Variants in PLEKHA7 observed in about 807,000 individuals in gnomAD.
PLEKHA7 encodes pleckstrin homology domain containing A7, also known as pleckstrin homology domain-containing family A member 7.
Under a neutral mutation model 170.0 loss-of-function variants are expected in PLEKHA7, and 104 were observed. The observed-to-expected ratio is 0.61, with a 90% CI of 0.52 to 0.72. PLEKHA7 has a LOEUF of 0.72. Among genes scored for constraint, PLEKHA7 ranks in the 30% least tolerant of loss-of-function variants. The probability of loss-of-function intolerance (pLI) is 0.00; values close to 1 mark genes in which losing one functional copy is unlikely to be tolerated. For missense variants in PLEKHA7, 1,615 were observed against 1,671.7 expected (o/e 0.97, Z 0.59); for synonymous variants, 648 against 660.8 (o/e 0.98, Z 0.30).
At chr11:16,948,621 CAT>C (rs995213369) in intron 3 of PLEKHA7, among the ~76,000 whole-genome samples, 15 of 138,972 alleles carry the variant, frequency 1.1e-4, no homozygotes, top group East Asian at 4.1e-4. Context: ...CATGCACACA[CAT>C]GTGCACACAC....
intron 3 of PLEKHA7, among the ~76,000 whole-genome samples, chr11:16,986,890 G>C (rs556988118): frequency 2.6e-4 from 39 of 152,192 alleles, no homozygotes; most frequent in Non-Finnish European, 7.3e-5. Flanking sequence ...GGGGCAGGCC[G>C]AGCCCCTGCC....
chr11:16,951,532 G>A (rs1468462131), intron 3 of PLEKHA7, among the ~76,000 whole-genome samples: 3 of 152,070 alleles, frequency 2.0e-5, no homozygotes, highest in Non-Finnish European at 2.9e-5. Flanking sequence ...CGGAGGCCCA[G>A]AGATGATAAG....
Position 16,777,541 on chromosome 11 carries a change from G to T in PLEKHA7, c.*1457C>A, listed in dbSNP as rs1848759730. On this transcript the variant is annotated 3_prime_UTR_variant, in exon 27 of 27. Transcript: ENST00000531066. Reference sequence around the variant, plus strand: ...TTTTTTTTCTGAGCATAGTCAAAGAGAAATTTTCATTTAAAGTGTGGCTCC... The same window carrying T: ...TTTTTTTTCTGAGCATAGTCAAAGATAAATTTTCATTTAAAGTGTGGCTCC... The T allele has an allele frequency of 6.6e-6, 1 of 152,156 alleles. No individual in the cohort carries two copies. Among genetic ancestry groups the T allele is most frequent in the African/African-American group, 2.4e-5 (1 of 41,450 alleles). The allele number at this position is 152,156 out of a possible 1,614,324, so 9.4% of individuals were successfully genotyped here.
intron 3 of PLEKHA7, among the ~76,000 whole-genome samples, chr11:16,908,753 C>T (rs1858040740): frequency 6.6e-6 from 1 of 152,204 alleles, no homozygotes; most frequent in Admixed American, 6.5e-5. Flanking sequence ...GGCTCAGCCT[C>T]CCGAAGTGCT....
At chr11:16,934,590 T>TTCTCGCTC (rs1860160782) in intron 3 of PLEKHA7, among the ~76,000 whole-genome samples, 1 of 152,202 alleles carries the variant, frequency 6.6e-6, no homozygotes, top group Non-Finnish European at 1.5e-5. Context: ...GCTATTGCCA[T>TTCTCGCTC]TCTCCTTGTC....
At chr11:16,780,920 CACA>C in intron 26 of PLEKHA7, 1 of 913,310 alleles carries the variant, frequency 1.1e-6, no homozygotes, top group African/African-American at 1.8e-5. Context: ...CAGGCAGAAG[CACA>C]CCAGACAGGG....
At chr11:16,930,758 G>T (rs985388234) in intron 3 of PLEKHA7, among the ~76,000 whole-genome samples, 1 of 152,172 alleles carries the variant, frequency 6.6e-6, no homozygotes, top group African/African-American at 2.4e-5. Context: ...AACATTAAAC[G>T]CTGGGAATTT....
intron 3 of PLEKHA7, among the ~76,000 whole-genome samples, chr11:16,964,840 G>A (rs1409422095): frequency 2.0e-5 from 3 of 152,090 alleles, no homozygotes; most frequent in East Asian, 1.9e-4. Flanking sequence ...GATGACCCAC[G>A]GAGTTCTAGA....
intron 3 of PLEKHA7, among the ~76,000 whole-genome samples, chr11:16,883,545 T>C (rs752593007): frequency 1.3e-5 from 2 of 152,216 alleles, no homozygotes; most frequent in Non-Finnish European, 2.9e-5. Context: ...TCTTGGCTTC[T>C]GTCAACTTTA....
At chr11:16,801,217 G>T in intron 16 of PLEKHA7, 142 bp from the exon 17 acceptor site, 1 of 730,264 alleles carries the variant, frequency 1.4e-6, no homozygotes, top group East Asian at 2.5e-5. Context: ...GAGAGAGAGA[G>T]GAGCAGGAAA....
At chr11:16,991,868 G>T (rs939506120) in intron 3 of PLEKHA7, among the ~76,000 whole-genome samples, 8 of 152,332 alleles carry the variant, frequency 5.3e-5, no homozygotes, top group African/African-American at 1.9e-4. Context: ...AACTGCAGTT[G>T]TCCAGGCGGC....
At chr11:16,935,445 T>A (rs1419609236) in intron 3 of PLEKHA7, among the ~76,000 whole-genome samples, 1 of 152,226 alleles carries the variant, frequency 6.6e-6, no homozygotes, top group Non-Finnish European at 1.5e-5. Flanking sequence ...AATGTGTCGG[T>A]CCTTTTCTAG....
In PLEKHA7 at chr11:16,782,758, C is replaced by T. The variant is rs571673646; in HGVS notation, c.3789G>A (p.Val1263=). The T allele has an allele frequency of 1.4e-5, 22 of 1,536,038 alleles. 1 individual carries two copies. In the South Asian group the frequency reaches 2.6e-4, roughly 18 times the overall value. ...ASEASQRSKQ[V]AAQAVTDP The stretch of plus-strand genomic sequence containing the variant: ...GGGGCTGGGCCATGGCCTTACCTGC[C>T]ACCTGCTTGCTACGCTGGGAGGCCT... The change falls in exon 26 of 27, where the codon GTG becomes GTA. Residue 1263 remains valine (V), a synonymous_variant. Transcript: ENST00000531066.
At chr11:16,856,013 G>A in intron 4 of PLEKHA7, 99 bp from the exon 5 acceptor site, 1 of 983,858 alleles carries the variant, frequency 1.0e-6, no homozygotes, top group Non-Finnish European at 1.6e-6. Context: ...TTGGGCCTTA[G>A]AACAACCCAA....
rs369106667 is a variant in PLEKHA7 at position 16,955,555 on chromosome 11, T to C, written c.221+58434A>G. On this transcript the variant is annotated intron_variant, in intron 3 of 26. Coordinates refer to ENST00000531066, the MANE Select transcript of PLEKHA7 (RefSeq NM_001329630.2). ...GTTTGCGTTAATCAAATAAGTCCAC[T>C]GCTTTCAGAATAATAGAGGAGATGA... Among the ~76,000 whole-genome samples, 31 of 152,340 alleles carry C rather than the reference T, an allele frequency of 2.0e-4. No homozygotes were observed. The South Asian group carries it at 6.4e-3, about 32-fold the overall frequency.
At chr11:16,878,688 CAGGTTCA>C (rs1050150456) in intron 3 of PLEKHA7, among the ~76,000 whole-genome samples, 1 of 152,206 alleles carries the variant, frequency 6.6e-6, no homozygotes, top group Non-Finnish European at 1.5e-5. Flanking sequence ...TTCCGCCTCC[CAGGTTCA>C]AGGCGATTCT....
chr11:16,890,942 C>T (rs1856567047), intron 3 of PLEKHA7, among the ~76,000 whole-genome samples: 1 of 151,892 alleles, frequency 6.6e-6, no homozygotes, highest in Admixed American at 6.6e-5. Flanking sequence ...TGCTCTGTCA[C>T]CCAGGCTGGA....
chr11:16,975,106 A>G, intron 3 of PLEKHA7: 8 of 533,464 alleles, frequency 1.5e-5, no homozygotes, highest in Non-Finnish European at 2.2e-5. Flanking sequence ...TCACATGCAT[A>G]CATTCATGTG....
intron 12 of PLEKHA7, 60 bp downstream of exon 12, chr11:16,816,118 G>T: frequency 7.1e-7 from 1 of 1,413,478 alleles, no homozygotes; most frequent in Non-Finnish European, 1.0e-6. Context: ...TACTAACTCA[G>T]AGGAAGGAAA....
Sources: gnomAD v4.1 joint callset for allele counts (sites outside exome capture counted in the v4.1 genomes callset) on GRCh38, gnomAD v4.1.1 for gene constraint, MANE v1.5 for transcripts, NCBI Gene and HGNC (gene_info 2026-07-23, HGNC 2026-07-21) for gene names.